LNPK: variants seen among roughly 807,000 people sequenced by gnomAD.
LNPK encodes endoplasmic reticulum junction formation protein lunapark.
In LNPK, 29 loss-of-function variants were observed where a neutral mutation model predicts 55.2. That is an observed-to-expected ratio of 0.53 (90% CI 0.39 to 0.72). The LOEUF (loss-of-function observed/expected upper bound fraction) is 0.72. Among genes scored for constraint, LNPK ranks in the 30% least tolerant of loss-of-function variants. LNPK has a pLI of 0.00. For missense variants in LNPK, 467 were observed against 494.8 expected (o/e 0.94, Z 0.53); for synonymous variants, 162 against 168.2 (o/e 0.96, Z 0.29).
chr2:175,948,264 AAAC>A (rs1358332818), intron 8 of LNPK, among the ~76,000 whole-genome samples: 1 of 152,184 alleles, frequency 6.6e-6, no homozygotes, highest in African/African-American at 2.4e-5. Context: ...TACTCCATAT[AAAC>A]AACATTTCAT....
chr2:175,946,692 T>A (rs1039481998), intron 9 of LNPK, among the ~76,000 whole-genome samples: 4 of 152,254 alleles, frequency 2.6e-5, no homozygotes, highest in Admixed American at 2.6e-4. Flanking sequence ...AATTATATAT[T>A]AGTAATTAGT....
At position 175,928,145 on chromosome 2, in the gene LNPK, A is replaced by G. The variant is rs939090497; in HGVS notation, c.*1822T>C. The G allele has an allele frequency of 1.3e-5, 2 of 152,194 alleles. No homozygotes were observed. Among genetic ancestry groups the G allele is most frequent in the African/African-American group, 4.8e-5 (2 of 41,446 alleles). The allele number at this position is 152,194 out of a possible 1,614,324, so 9.4% of individuals were successfully genotyped here. ...GTATTTATATACATACATACAATAT[A>G]GAAAAGTTGATGCAAAAAACATTGG... is the stretch of plus-strand genomic sequence containing the variant. On this transcript the variant is annotated 3_prime_UTR_variant, in exon 13 of 13. Transcript: ENST00000272748.
At chr2:175,995,080 C>T (rs1029080171) in intron 2 of LNPK, among the ~76,000 whole-genome samples, 5 of 151,952 alleles carry the variant, frequency 3.3e-5, no homozygotes, top group African/African-American at 1.2e-4. Context: ...CAACACTACG[C>T]CCAGCTAATT....
At position 176,001,621 on chromosome 2, in the gene LNPK, C is replaced by A. The variant is rs986012402; in HGVS notation, c.-63+539G>T. Among the ~76,000 whole-genome samples the A allele has an allele frequency of 3.3e-5, 5 of 152,242 alleles. No homozygotes were observed. In the South Asian group the frequency reaches 6.2e-4, roughly 19 times the overall value. On this transcript the variant is annotated intron_variant, in intron 1 of 12. Coordinates refer to ENST00000272748, the MANE Select transcript of LNPK (RefSeq NM_030650.3). The stretch of plus-strand genomic sequence containing the variant: ...TCTTCTCTAAGTAGCACGTACTCCA[C>A]GCCCACACGCTAGAGCCCGGCAGCA...
intron 8 of LNPK, among the ~76,000 whole-genome samples, chr2:175,957,548 C>A (rs1685757806): frequency 6.6e-6 from 1 of 151,834 alleles, no homozygotes; most frequent in South Asian, 2.1e-4. Context: ...CTACTCTCTC[C>A]TCCATCATTA....
intron 1 of LNPK, among the ~76,000 whole-genome samples, chr2:175,996,427 T>A (rs1417855070): frequency 6.6e-6 from 1 of 152,194 alleles, no homozygotes; most frequent in Non-Finnish European, 1.5e-5. Flanking sequence ...GAGTTATGAA[T>A]AAGAAAATAA....
chr2:175,969,161 TTTAA>T (rs781692028), intron 6 of LNPK, among the ~76,000 whole-genome samples: 44 of 152,342 alleles, frequency 2.9e-4, no homozygotes, highest in Admixed American at 1.6e-3. Context: ...GCAAATTGTG[TTTAA>T]TTAATAAAGT....
chr2:175,926,557 A>G lies in LNPK; in HGVS notation c.*3410T>C, dbSNP rs919496546. The G allele has an allele frequency of 6.6e-6, 1 of 152,212 alleles. No individual in the cohort carries two copies. Among genetic ancestry groups the G allele is most frequent in the Admixed American group, 6.5e-5 (1 of 15,276 alleles). The allele number at this position is 152,212 out of a possible 1,614,324, so 9.4% of individuals were successfully genotyped here. On this transcript the variant is annotated 3_prime_UTR_variant, in exon 13 of 13. Transcript: ENST00000272748. ...TAGCAGCCCAAACGGACTTAAATAC[A>G]TACTCTCTCTACAACTCAGCTTTCT...
intron 9 of LNPK, among the ~76,000 whole-genome samples, chr2:175,943,090 C>G (rs12618574): frequency 0.078 from 11,873 of 151,452 alleles, 493 homozygotes; most frequent in South Asian, 0.098. Flanking sequence ...GAAAGACTAC[C>G]AAACTACCGA....
chr2:175,998,444 CAA>C (rs761894057), intron 1 of LNPK, among the ~76,000 whole-genome samples: 15 of 82,838 alleles, frequency 1.8e-4, no homozygotes, highest in Non-Finnish European at 1.4e-4. Context: ...CTCCGTCTCA[CAA>C]AAAAAAAAAA....
chr2:175,973,960 T>C (rs181456390), intron 5 of LNPK, among the ~76,000 whole-genome samples: 1 of 152,362 alleles, frequency 6.6e-6, no homozygotes, highest in Admixed American at 6.5e-5. Flanking sequence ...TAAATGGCTT[T>C]CCTTTCTTCA....
intron 8 of LNPK, among the ~76,000 whole-genome samples, chr2:175,956,752 T>C (rs1685714446): frequency 6.6e-6 from 1 of 152,152 alleles, no homozygotes; most frequent in Non-Finnish European, 1.5e-5. Context: ...ATTTCCCTCA[T>C]AATCGTCTTA....
intron 12 of LNPK, among the ~76,000 whole-genome samples, chr2:175,930,847 A>G (rs1684250421): frequency 6.6e-6 from 1 of 152,198 alleles, no homozygotes; most frequent in African/African-American, 2.4e-5. Context: ...CTACATACCT[A>G]GCATGTTAGG....
chr2:175,942,226 C>A (rs529705030), intron 9 of LNPK, among the ~76,000 whole-genome samples: 1 of 152,210 alleles, frequency 6.6e-6, no homozygotes, highest in African/African-American at 2.4e-5. Context: ...TGACTGCACT[C>A]TATTATGCAT....
intron 6 of LNPK, chr2:175,967,865 A>T: frequency 1.8e-6 from 1 of 563,716 alleles, no homozygotes; most frequent in African/African-American, 2.0e-5. Context: ...ACAAAAATGT[A>T]ACATTTTAAG....
intron 1 of LNPK, among the ~76,000 whole-genome samples, chr2:175,997,482 T>C (rs2105371351): frequency 6.6e-6 from 1 of 152,310 alleles, no homozygotes; most frequent in East Asian, 1.9e-4. Flanking sequence ...ATATACATCA[T>C]TCCACTATTC....
chr2:175,961,172 T>C (rs1221764984), intron 8 of LNPK, among the ~76,000 whole-genome samples: 1 of 151,982 alleles, frequency 6.6e-6, no homozygotes. Flanking sequence ...TTCCAAACAA[T>C]ACAAAAGGAG....
chr2:175,953,741 C>A (rs987753041), intron 8 of LNPK, among the ~76,000 whole-genome samples: 29 of 147,218 alleles, frequency 2.0e-4, no homozygotes, highest in African/African-American at 6.8e-4. Flanking sequence ...CAGTCATATT[C>A]TCTCCAATCC....
In LNPK at chr2:175,929,772, C is replaced by T; in HGVS notation, c.*195G>A. 7.1e-7 allele frequency: 1 copy of T among 1,415,078 alleles called. No homozygotes were observed. The highest frequency in any genetic ancestry group is 2.5e-5 in the East Asian group (1 of 39,456). 87.7% of individuals were successfully genotyped at this position (1,415,078 alleles called of 1,614,324 possible). On this transcript the variant is annotated 3_prime_UTR_variant, in exon 13 of 13. Transcript: ENST00000272748. ...TTGTACATTCAAAAGGATCTTACTT[C>T]ACTGATATAACTTGCTTTTAATTTT... is the stretch of plus-strand genomic sequence containing the variant.
Sources: gnomAD v4.1 joint callset for allele counts (sites outside exome capture counted in the v4.1 genomes callset) on GRCh38, gnomAD v4.1.1 for gene constraint, MANE v1.5 for transcripts, NCBI Gene and HGNC (gene_info 2026-07-23, HGNC 2026-07-21) for gene names.